Variants in RBFOX3 observed in about 807,000 individuals in gnomAD.
RBFOX3 encodes RNA binding protein fox-1 homolog 3.
In RBFOX3, 17 loss-of-function variants were observed where a neutral mutation model predicts 48.7. The observed-to-expected ratio is 0.35, with a 90% CI of 0.24 to 0.52. RBFOX3 has a LOEUF of 0.52. RBFOX3 is among the 20% of genes least tolerant of loss of function. RBFOX3 has a pLI of 0.94. For synonymous variants in RBFOX3, 212 were observed against 209.5 expected, an observed-to-expected ratio of 1.01 and a Z score of -0.10; for missense variants, 382 against 497.5, an observed-to-expected ratio of 0.77 and a Z score of 2.21.
At position 79,463,124 on chromosome 17, in the gene RBFOX3, G is replaced by A. The variant is rs566172494; in HGVS notation, c.-175+19330C>T. 4.5e-5 allele frequency among the ~76,000 whole-genome samples: 6 copies of A among 132,156 alleles called. No individual in the cohort carries two copies. In the South Asian group the frequency reaches 7.6e-4, roughly 17 times the overall value. The allele number at this position is 132,156 out of a possible 152,430, so 86.7% of individuals were successfully genotyped here. ...CTCCACCGCCATCGCCACTGCCATCGCCACCGCCACTGCCACCGCCACCTC... is the reference window on the plus strand; with the variant it reads ...CTCCACCGCCATCGCCACTGCCATCACCACCGCCACTGCCACCGCCACCTC... On this transcript the variant is annotated intron_variant, in intron 2 of 14. Coordinates refer to ENST00000693108, the MANE Select transcript of RBFOX3 (RefSeq NM_001350451.2).
chr17:79,185,012 G>A (rs2146272879), intron 4 of RBFOX3, among the ~76,000 whole-genome samples: 1 of 152,354 alleles, frequency 6.6e-6, no homozygotes, highest in Admixed American at 6.5e-5. Context: ...GAGAAGGGTG[G>A]CCTCTCCACG....
chr17:79,164,224 G>A (rs1186059564), intron 4 of RBFOX3, among the ~76,000 whole-genome samples: 2 of 152,244 alleles, frequency 1.3e-5, no homozygotes, highest in Non-Finnish European at 2.9e-5. Flanking sequence ...GGCAGGGGCG[G>A]TGGCGGTAGC....
chr17:79,404,473 G>A (rs543366900), intron 2 of RBFOX3, among the ~76,000 whole-genome samples: 2 of 152,350 alleles, frequency 1.3e-5, no homozygotes, highest in Admixed American at 6.5e-5. Context: ...CCCAGGTCAC[G>A]CAGCTGGCCC....
At chr17:79,230,812 C>T (rs2060947700) in intron 4 of RBFOX3, among the ~76,000 whole-genome samples, 1 of 152,126 alleles carries the variant, frequency 6.6e-6, no homozygotes, top group Non-Finnish European at 1.5e-5. Flanking sequence ...GGGCCAGGCC[C>T]AGCCTGTGTA....
At position 79,584,726 on chromosome 17, in the gene RBFOX3, G is replaced by A. The variant is rs946214068; in HGVS notation, c.-320+26100C>T. ...TCTGTGGGAGCTAAGCTATGAGGAC[G>A]CAAAGATTAAGAATGATACACTGGA... is the stretch of plus-strand genomic sequence containing the variant. On this transcript the variant is annotated intron_variant, in intron 1 of 14. Transcript: ENST00000693108. 1.5e-4 allele frequency among the ~76,000 whole-genome samples: 23 copies of A among 152,066 alleles called. No individual in the cohort carries two copies. The East Asian group carries it at 3.5e-3, about 23-fold the overall frequency.
intron 1 of RBFOX3, among the ~76,000 whole-genome samples, chr17:79,521,877 GAT>G (rs2086159574): frequency 6.6e-6 from 1 of 152,220 alleles, no homozygotes; most frequent in Non-Finnish European, 1.5e-5. Context: ...CAAAGTCCTA[GAT>G]AACTGTGTAG....
chr17:79,302,720 A>G (rs1005997288), intron 3 of RBFOX3, among the ~76,000 whole-genome samples: 1 of 152,226 alleles, frequency 6.6e-6, no homozygotes, highest in Admixed American at 6.5e-5. Flanking sequence ...AATGATACCA[A>G]GTCCCAGGCT....
At chr17:79,094,004 C>T (rs865841796) in intron 14 of RBFOX3, among the ~76,000 whole-genome samples, 11 of 152,076 alleles carry the variant, frequency 7.2e-5, no homozygotes, top group South Asian at 2.1e-4. Flanking sequence ...GGATGCGATG[C>T]GAGGGGGCTG....
chr17:79,171,380 G>A (rs528619246), intron 4 of RBFOX3, among the ~76,000 whole-genome samples: 7 of 152,318 alleles, frequency 4.6e-5, no homozygotes, highest in South Asian at 2.1e-4. Flanking sequence ...CGTTTTCTAC[G>A]AGGGGCCAGA....
chr17:79,211,449 T>C (rs1000738807), intron 4 of RBFOX3, among the ~76,000 whole-genome samples: 2 of 152,204 alleles, frequency 1.3e-5, no homozygotes, highest in East Asian at 1.9e-4. Flanking sequence ...CTTCTTTCCA[T>C]AATTAAGTTT....
intron 2 of RBFOX3, among the ~76,000 whole-genome samples, chr17:79,432,778 G>T (rs1218378986): frequency 1.3e-5 from 2 of 152,022 alleles, no homozygotes; most frequent in African/African-American, 4.8e-5. Context: ...CAACGTAATT[G>T]GAATGATCCT....
At chr17:79,397,401 G>A (rs2062137440) in intron 2 of RBFOX3, among the ~76,000 whole-genome samples, 1 of 151,808 alleles carries the variant, frequency 6.6e-6, no homozygotes, top group Non-Finnish European at 1.5e-5. Flanking sequence ...TCTGAGGCAG[G>A]AGAATCACTT....
At chr17:79,153,331 G>A (rs1054663161) in intron 4 of RBFOX3, among the ~76,000 whole-genome samples, 1 of 152,218 alleles carries the variant, frequency 6.6e-6, no homozygotes, top group Non-Finnish European at 1.5e-5. Flanking sequence ...AGGCCTTCTA[G>A]AAGGTGCTGA....
chr17:79,201,785 C>T (rs905863383), intron 4 of RBFOX3, among the ~76,000 whole-genome samples: 4 of 152,216 alleles, frequency 2.6e-5, no homozygotes, highest in Admixed American at 6.5e-5. Context: ...CCCCTTCCCA[C>T]GTGCTTTCTC....
intron 2 of RBFOX3, among the ~76,000 whole-genome samples, chr17:79,446,312 T>C (rs2149082387): frequency 6.6e-6 from 1 of 152,304 alleles, no homozygotes; most frequent in South Asian, 2.1e-4. Context: ...AAGCAGGACA[T>C]GGCTGCCTTT....
intron 1 of RBFOX3, among the ~76,000 whole-genome samples, chr17:79,572,212 C>T (rs1332090069): frequency 6.6e-6 from 1 of 152,184 alleles, no homozygotes; most frequent in African/African-American, 2.4e-5. Flanking sequence ...AACACACCTG[C>T]TGCCCAGACC....
intron 1 of RBFOX3, among the ~76,000 whole-genome samples, chr17:79,585,174 C>A (rs2144920972): frequency 6.6e-6 from 1 of 152,298 alleles, no homozygotes; most frequent in East Asian, 1.9e-4. Flanking sequence ...GCACCAAAAT[C>A]TGAGAAATCA....
intron 2 of RBFOX3, among the ~76,000 whole-genome samples, chr17:79,389,834 AG>A (rs1226961019): frequency 6.6e-6 from 1 of 152,230 alleles, no homozygotes; most frequent in Non-Finnish European, 1.5e-5. Flanking sequence ...GAGGAGACTG[AG>A]GGGGCCAGGG....
chr17:79,620,050 C>G, the RBFOX3 span, among the ~76,000 whole-genome samples: 1 of 151,600 alleles, frequency 6.6e-6, no homozygotes, highest in Non-Finnish European at 1.5e-5. Flanking sequence ...CACACACGCA[C>G]ATGCACACAT....
Sources: gnomAD v4.1 joint callset for allele counts (sites outside exome capture counted in the v4.1 genomes callset) on GRCh38, gnomAD v4.1.1 for gene constraint, MANE v1.5 for transcripts, NCBI Gene and HGNC (gene_info 2026-07-23, HGNC 2026-07-21) for gene names.